The following SHISA8 variants were observed in gnomAD, a reference collection of about 807,000 sequenced individuals.
SHISA8 encodes protein shisa-8.
In SHISA8, 21 loss-of-function variants were observed where a neutral mutation model predicts 21.1. The observed-to-expected ratio is 0.99, with a 90% CI of 0.71 to 1.43. The LOEUF (loss-of-function observed/expected upper bound fraction) is 1.43, where lower values mean the gene tolerates loss of function less well. SHISA8 is among the 40% of genes most tolerant of loss of function. The pLI, the probability that SHISA8 is intolerant of heterozygous loss-of-function variation, is 0.00. For missense variants in SHISA8, 535 were observed against 599.1 expected (o/e 0.89, Z 1.12); for synonymous variants, 300 against 291.4 (o/e 1.03, Z -0.30).
rs996162391 is a variant in SHISA8, at chr22:41,910,009, G to C, written c.950C>G (p.Ala317Gly). The C allele has an allele frequency of 3.0e-5, 39 of 1,284,036 alleles. No individual in the cohort carries two copies. The East Asian group carries it at 1.1e-3, about 37-fold the overall frequency. The allele number at this position is 1,284,036 out of a possible 1,614,324, so 79.5% of individuals were successfully genotyped here. ...DACPWAPPVY[A>G]PPAAPGPYAA... ...ATAGGGGCCCGGCGCGGCAGGGGGC[G>C]CGTAGACCGGCGGGGCCCAGGGGCA... The change falls in exon 4 of 4, where the codon GCG (alanine) becomes GGG (glycine). Residue 317 changes from alanine (A) to glycine (G), a missense_variant. Physicochemically the swap from Ala to Gly is moderately conservative, Grantham distance 60 (BLOSUM62 0). Coordinates refer to ENST00000621082, the MANE Select transcript of SHISA8 (RefSeq NM_001207020.3). This position sits in a 1 kb window ranked among gnomAD's most constrained non-coding sequence, Gnocchi z 6.8.
At position 41,909,968 on chromosome 22, in the gene SHISA8, T is replaced by C. The variant is rs919662655; in HGVS notation, c.991A>G (p.Ser331Gly). Residue 331 changes from serine (S) to glycine (G), a missense_variant, in exon 4 of 4, where the codon AGT becomes GGT. Coordinates refer to ENST00000621082, the MANE Select transcript of SHISA8 (RefSeq NM_001207020.3). ...APGPYAAWTS[S>G]RPARPAPLSH... ...AGCGGGGCGGGCCGGGCCGGGCGAC[T>C]GGAGGTCCAGGCGGCATAGGGGCCC... 2.8e-6 allele frequency: 4 copies of C among 1,449,644 alleles called. No homozygotes were observed. The African/African-American group carries it at 6.0e-5, about 22-fold the overall frequency. The allele number at this position is 1,449,644 out of a possible 1,614,324, so 89.8% of individuals were successfully genotyped here. A position where few individuals can be genotyped will look rare whatever the true frequency, so the allele number is the denominator to read the frequency against.
At position 41,909,675 on chromosome 22, in the gene SHISA8, C is replaced by T; in HGVS notation, c.*90G>A. ...CGTTGAGGCAGACAGAAGAGCTGGCCTTACGGCAGGCGCTCCTCTCCCTGT... is the reference window on the plus strand; with the variant it reads ...CGTTGAGGCAGACAGAAGAGCTGGCTTTACGGCAGGCGCTCCTCTCCCTGT... On this transcript the variant is annotated 3_prime_UTR_variant, in exon 4 of 4. Transcript: ENST00000621082. 1 of 1,325,214 alleles carries T rather than the reference C, an allele frequency of 7.5e-7. No homozygotes were observed. Among genetic ancestry groups the T allele is most frequent in the South Asian group, 2.1e-5 (1 of 48,540 alleles). The allele number at this position is 1,325,214 out of a possible 1,614,324, so 82.1% of individuals were successfully genotyped here. A position where few individuals can be genotyped will look rare whatever the true frequency, so the allele number is the denominator to read the frequency against.
chr22:41,910,323 G>A lies in SHISA8; in HGVS notation c.811+85C>T. 1 of 1,251,966 alleles carries A rather than the reference G, an allele frequency of 8.0e-7. No homozygotes were observed. Among genetic ancestry groups the A allele is most frequent in the South Asian group, 2.9e-5 (1 of 34,708 alleles). The allele number at this position is 1,251,966 out of a possible 1,614,324, so 77.6% of individuals were successfully genotyped here. On this transcript the variant is annotated intron_variant, in intron 3 of 3. Transcript: ENST00000621082. The surrounding 1 kb of genome is among the most constrained non-coding windows in gnomAD (Gnocchi z 6.8). ...GGCGGGCGCGCGGAACTGGGAATTT[G>A]GCGCTTGGAGCTGCGGCCCCGCGCT...
At position 41,914,682 on chromosome 22, in the gene SHISA8, C is replaced by G; in HGVS notation, c.-15G>C. 9.8e-7 allele frequency: 1 copy of G among 1,016,906 alleles called. No homozygotes were observed. Among genetic ancestry groups the G allele is most frequent in the Non-Finnish European group, 1.2e-6 (1 of 852,314 alleles). 63.0% of individuals were successfully genotyped at this position (1,016,906 alleles called of 1,614,324 possible). A position where few individuals can be genotyped will look rare whatever the true frequency, so the allele number is the denominator to read the frequency against. ...GCCCGCGCCATCGGGCCCGCGCCTC[C>G]CGCTACTGCGCCCGGTGCATGGCCG... On this transcript the variant is annotated 5_prime_UTR_variant, in exon 1 of 4. Coordinates refer to ENST00000621082, the MANE Select transcript of SHISA8 (RefSeq NM_001207020.3). The surrounding 1 kb of genome is among the most constrained non-coding windows in gnomAD (Gnocchi z 6.8).
chr22:41,911,148 C>A, intron 2 of SHISA8, 68 bp downstream of exon 2: 2 of 1,247,316 alleles, frequency 1.6e-6, no homozygotes, highest in Non-Finnish European at 2.0e-6. Context: ...GCCGAGGGAC[C>A]GCCTCTCGGC....
intron 1 of SHISA8, among the ~76,000 whole-genome samples, chr22:41,913,148 G>A (rs1051101692): frequency 2.6e-5 from 4 of 152,236 alleles, no homozygotes; most frequent in Admixed American, 1.3e-4. Flanking sequence ...AGTGGGCTAC[G>A]TGGTTTCGGG....
intron 1 of SHISA8, among the ~76,000 whole-genome samples, chr22:41,911,782 G>A (rs978894697): frequency 1.3e-5 from 2 of 152,074 alleles, no homozygotes; most frequent in Non-Finnish European, 2.9e-5. Flanking sequence ...GTCTCGCTCT[G>A]TTGTCCAGGC....
In SHISA8 at chr22:41,910,610, G is replaced by T. The variant is rs1193647757; in HGVS notation, c.665-56C>A. On this transcript the variant is annotated intron_variant, in intron 2 of 3. Coordinates refer to ENST00000621082, the MANE Select transcript of SHISA8 (RefSeq NM_001207020.3). The surrounding 1 kb of genome is among the most constrained non-coding windows in gnomAD (Gnocchi z 6.8). ...CGATGCCCCGGTTCACTCCGCCCTC[G>T]CTGTCACCTCTCCGTAGTCCTCTCC... 8.2e-7 allele frequency: 1 copy of T among 1,214,792 alleles called. No homozygotes were observed. The highest frequency in any genetic ancestry group is 1.0e-6 in the Non-Finnish European group (1 of 976,402). 75.3% of individuals were successfully genotyped at this position (1,214,792 alleles called of 1,614,324 possible).
chr22:41,910,899 G>T lies in SHISA8; in HGVS notation c.664+317C>A, dbSNP rs1157125977. Among the ~76,000 whole-genome samples the T allele has an allele frequency of 6.6e-6, 1 of 152,102 alleles. No homozygotes were observed. Among genetic ancestry groups the T allele is most frequent in the Non-Finnish European group, 1.5e-5 (1 of 68,014 alleles). On this transcript the variant is annotated intron_variant, in intron 2 of 3. Transcript: ENST00000621082. The surrounding 1 kb of genome is among the most constrained non-coding windows in gnomAD (Gnocchi z 6.8). ...AGAACCCAGACGGGGCGTGGGGGCT[G>T]CCAAGCCTGCCTGCCTCTCGAGAGA...
chr22:41,911,414 C>T (rs575833663), intron 1 of SHISA8, 65 bp from the exon 2 acceptor site: 3 of 1,234,254 alleles, frequency 2.4e-6, no homozygotes, highest in African/African-American at 1.5e-5. Flanking sequence ...GCCCCGGCCA[C>T]CACCGTCTCA....
At chr22:41,913,773 C>T (rs978672695) in intron 1 of SHISA8, among the ~76,000 whole-genome samples, 2 of 152,064 alleles carry the variant, frequency 1.3e-5, no homozygotes, top group Non-Finnish European at 2.9e-5. Flanking sequence ...CTTTCCCGTG[C>T]CCAAGACGCC....
rs2077578175 is a variant in SHISA8, at chr22:41,914,925, C to T, written c.-258G>A. Among the ~76,000 whole-genome samples, 2 of 151,374 alleles carry T rather than the reference C, an allele frequency of 1.3e-5. No homozygotes were observed. The highest frequency in any genetic ancestry group is 4.8e-5 in the African/African-American group (2 of 41,310). ...CCGCGTCCTGAGATCTTCCCCGGGC[C>T]GGGCGGCGGGTCCTCGCCTGCGCGC... On this transcript the variant is annotated 5_prime_UTR_variant, in exon 1 of 4. Coordinates refer to ENST00000621082, the MANE Select transcript of SHISA8 (RefSeq NM_001207020.3). The surrounding 1 kb of genome is among the most constrained non-coding windows in gnomAD (Gnocchi z 6.8).
rs953304202 is a variant in SHISA8 at position 41,911,327 on chromosome 22, GC to G, written c.552del (p.Lys184AsnfsTer67). ...GGCAGTGGCTCCTGGGGGCCCGGCT[GC>G]TTCAGAAGCTCTGTCAGCGCCCTGC... Reference protein sequence around the residue: ...TVTRALTELLKQPGPQEPLPP... With the variant: ...TVTRALTELLXQPGPQEPLPP... On this transcript the variant is annotated frameshift_variant, in exon 2 of 4. Transcript: ENST00000621082. LOFTEE classifies it high-confidence loss of function. 11 of 1,245,706 alleles carry G rather than the reference GC, an allele frequency of 8.8e-6. No individual in the cohort carries two copies. Among genetic ancestry groups the G allele is most frequent in the Non-Finnish European group, 1.1e-5 (11 of 993,952 alleles). 77.2% of individuals were successfully genotyped at this position (1,245,706 alleles called of 1,614,324 possible).
At chr22:41,911,896 G>C (rs902369893) in intron 1 of SHISA8, among the ~76,000 whole-genome samples, 11 of 152,168 alleles carry the variant, frequency 7.2e-5, no homozygotes, top group East Asian at 5.8e-4. Context: ...TAAGGTGCCT[G>C]CCACCACACC....
intron 1 of SHISA8, 126 bp from the exon 2 acceptor site, chr22:41,911,475 T>G: frequency 7.5e-6 from 8 of 1,066,118 alleles, no homozygotes; most frequent in African/African-American, 1.6e-5. Flanking sequence ...TCCTCTCCGG[T>G]GCTCGAAATC....
chr22:41,914,505 C>G lies in SHISA8; in HGVS notation c.163G>C (p.Glu55Gln). ...TAGCCGCGGCAGCGGTCGCCCCCCT[C>G]CGGGGCTGTCGTGCCGGGCGCCGCG... The part of the protein sequence containing the change: ...GPAAPGTTAP[E>Q]GGDRCRGYYD... Residue 55 changes from glutamate (E) to glutamine (Q), a missense_variant, in exon 1 of 4, where the codon GAG (glutamate) becomes CAG (glutamine). Glu to Gln is a conservative substitution (Grantham distance 29). Transcript: ENST00000621082. The surrounding 1 kb of genome is among the most constrained non-coding windows in gnomAD (Gnocchi z 6.8). 7.9e-7 allele frequency: 1 copy of G among 1,258,298 alleles called. No homozygotes were observed. The highest frequency in any genetic ancestry group is 2.9e-5 in the South Asian group (1 of 34,316). The allele number at this position is 1,258,298 out of a possible 1,614,324, so 77.9% of individuals were successfully genotyped here. A position where few individuals can be genotyped will look rare whatever the true frequency, so the allele number is the denominator to read the frequency against.
Position 41,914,089 on chromosome 22 carries a change from GAGA to G in SHISA8, c.530+46_530+48del. The G allele has an allele frequency of 7.5e-7, 1 of 1,333,974 alleles. No homozygotes were observed. The highest frequency in any genetic ancestry group is 9.6e-7 in the Non-Finnish European group (1 of 1,045,090). The allele number at this position is 1,333,974 out of a possible 1,614,324, so 82.6% of individuals were successfully genotyped here. On this transcript the variant is annotated intron_variant, in intron 1 of 3. Transcript: ENST00000621082. The surrounding 1 kb of genome is among the most constrained non-coding windows in gnomAD (Gnocchi z 6.8). The stretch of plus-strand genomic sequence containing the variant: ...GCGGCGGGAAGGATCAGCGGGCAGG[GAGA>G]GCAGTCCGAGGAGCAGGCGGGGGTC...
rs1274583429 is a variant in SHISA8 at position 41,909,905 on chromosome 22, G to T, written c.1054C>A (p.Arg352=). Residue 352 remains arginine, a synonymous_variant, in exon 4 of 4, where the codon CGA becomes AGA. Coordinates refer to ENST00000621082, the MANE Select transcript of SHISA8 (RefSeq NM_001207020.3). ...PTARAFQVPR[R]PGHAARRQFS... ...TGGCGCCGGGCCGCGTGCCCGGGTC[G>T]CCGGGGTACCTGGAAGGCCCGAGCC... 5 of 1,527,608 alleles carry T rather than the reference G, an allele frequency of 3.3e-6. No individual in the cohort carries two copies. The Admixed American group carries it at 8.0e-5, about 24-fold the overall frequency. 94.6% of individuals were successfully genotyped at this position (1,527,608 alleles called of 1,614,324 possible).
chr22:41,914,707 G>A lies in SHISA8; in HGVS notation c.-40C>T. On this transcript the variant is annotated 5_prime_UTR_variant, in exon 1 of 4. Transcript: ENST00000621082. This position sits in a 1 kb window ranked among gnomAD's most constrained non-coding sequence, Gnocchi z 6.8. ...CCGCTACTGCGCCCGGTGCATGGCC[G>A]GGCGCCGCGGCTCCCTCCGGCTCGG... The A allele has an allele frequency of 9.9e-7, 1 of 1,012,550 alleles. No homozygotes were observed. Among genetic ancestry groups the A allele is most frequent in the Non-Finnish European group, 1.2e-6 (1 of 848,740 alleles). 62.7% of individuals were successfully genotyped at this position (1,012,550 alleles called of 1,614,324 possible).
Sources: allele counts gnomAD v4.1 joint callset (sites outside exome capture counted in the v4.1 genomes callset), GRCh38; gene constraint gnomAD v4.1.1; non-coding constraint Gnocchi (gnomAD v3.1); transcripts MANE v1.5; gene names NCBI Gene and HGNC (gene_info 2026-07-23, HGNC 2026-07-21).